Variants in CCDC17 observed in about 807,000 individuals in gnomAD.
CCDC17 encodes coiled-coil domain containing 17.
CCDC17 carries 79 observed loss-of-function variants against 68.0 expected under a neutral mutation model. That is an observed-to-expected ratio of 1.16 (90% CI 0.97 to 1.40). The LOEUF (loss-of-function observed/expected upper bound fraction) is 1.40. Ranked by LOEUF, CCDC17 falls within the 40% of genes most tolerant of loss-of-function variation. The pLI is 0.00. For missense variants in CCDC17, 846 were observed against 811.5 expected, an observed-to-expected ratio of 1.04 and a Z score of -0.52; for synonymous variants, 376 against 337.5, an observed-to-expected ratio of 1.11 and a Z score of -1.25.
At position 45,621,413 on chromosome 1, in the gene CCDC17, G is replaced by A; in HGVS notation, c.1256C>T (p.Thr419Ile). ...ATCCCGTCCATCGCGTGCCAAGCCA[G>A]TCCTTAGTTGCACCCAAATCCAGGA... ...EASWIWVQLR[T>I]GLARDGRDTG... Residue 419 changes from threonine to isoleucine, a missense_variant, in exon 10 of 13, where the codon ACT becomes ATT. Thr to Ile is a moderately conservative substitution (Grantham distance 89). Coordinates refer to ENST00000528266, the MANE Select transcript of CCDC17 (RefSeq NM_001114938.3). 1 of 1,597,834 alleles carries A rather than the reference G, an allele frequency of 6.3e-7. No homozygotes were observed. Among genetic ancestry groups the A allele is most frequent in the East Asian group, 2.3e-5 (1 of 44,088 alleles).
chr1:45,621,176 C>G, intron 10 of CCDC17, 63 bp from the exon 11 acceptor site: 1 of 1,576,516 alleles, frequency 6.3e-7, no homozygotes, highest in African/African-American at 1.4e-5. Flanking sequence ...AGGACTTAGC[C>G]CTTTAGAGCC....
rs139210753 is a variant in CCDC17 at position 45,621,315 on chromosome 1, A to C, written c.1354T>G (p.Cys452Gly). The C allele has an allele frequency of 1.2e-4, 186 of 1,586,676 alleles. No individual in the cohort carries two copies. Among genetic ancestry groups the C allele is most frequent in the Admixed American group, 1.8e-4 (10 of 55,582 alleles). ...GGCTGCCTGCTGGCAAGGATGGCAC[A>C]GTTGCCCATGGGCCCGGGAGCAGGA... ...PPPAPGPMGN[C>G]AILASRQPVP... The change falls in exon 10 of 13, where the codon TGT (cysteine) becomes GGT (glycine). Residue 452 changes from cysteine to glycine, a missense_variant. By Grantham distance (159) the Cys-to-Gly change is radical (BLOSUM62 -3). Transcript: ENST00000528266.
In CCDC17 at chr1:45,620,332, A is replaced by AT. The variant is rs1644201206; in HGVS notation, c.1811dup (p.Asp604GlufsTer2). ...GGTGAGGGCCCAAACCCTCATCTCT[A>AT]TCCTTGACTCCACTGAGGGGCTCTT... On this transcript the variant is annotated frameshift_variant, in exon 13 of 13. Coordinates refer to ENST00000528266, the MANE Select transcript of CCDC17 (RefSeq NM_001114938.3). LOFTEE classifies it low-confidence loss of function (END_TRUNC). 6.2e-7 allele frequency: 1 copy of AT among 1,609,412 alleles called. No homozygotes were observed. Among genetic ancestry groups the AT allele is most frequent in the Non-Finnish European group, 8.5e-7 (1 of 1,178,568 alleles).
At position 45,623,340 on chromosome 1, in the gene CCDC17, G is replaced by C. The variant is rs1256837309; in HGVS notation, c.370C>G (p.Gln124Glu). The change falls in exon 3 of 13, where the codon CAG (glutamine) becomes GAG (glutamate). Residue 124 changes from glutamine (Q) to glutamate (E), a missense_variant. Physicochemically the swap from Gln to Glu is conservative, Grantham distance 29 (BLOSUM62 2). Transcript: ENST00000528266. ...CCCACCGCCTCGGACATGGGACTCT[G>C]AGGCCGCGCCTCGGAACGTGTCCAG... is the stretch of plus-strand genomic sequence containing the variant. ...GPWTRSEARP[Q>E]SPMSEAVGSP... 1.2e-5 allele frequency: 19 copies of C among 1,550,638 alleles called. 1 individual carries two copies. In the South Asian group the frequency reaches 1.4e-4, roughly 12 times the overall value.
At chr1:45,622,146 C>T (rs546257088) in intron 7 of CCDC17, 95 bp downstream of exon 7, 1 of 1,337,456 alleles carries the variant, frequency 7.5e-7, no homozygotes, top group Non-Finnish European at 1.0e-6. Flanking sequence ...AGGGGAGTCA[C>T]AAACACGGGT....
At chr1:45,622,054 T>C (rs1364000095) in intron 7 of CCDC17, 59 bp from the exon 8 acceptor site, 1 of 1,498,356 alleles carries the variant, frequency 6.7e-7, no homozygotes, top group Non-Finnish European at 9.1e-7. Context: ...TTAGCTGAGA[T>C]ACCCCTCCCC....
At position 45,620,783 on chromosome 1, in the gene CCDC17, A is replaced by C; in HGVS notation, c.1650T>G (p.Ala550=). 7 of 1,611,756 alleles carry C rather than the reference A, an allele frequency of 4.3e-6. No individual in the cohort carries two copies. The highest frequency in any genetic ancestry group is 1.3e-5 in the African/African-American group (1 of 75,044). The change falls in exon 12 of 13, where the codon GCT becomes GCG. Residue 550 remains alanine, a synonymous_variant. Coordinates refer to ENST00000528266, the MANE Select transcript of CCDC17 (RefSeq NM_001114938.3). The stretch of plus-strand genomic sequence containing the variant: ...GATTGATCTCTGCCAGTGTCTGTAC[A>C]GCTGCATCTCTTGCATTCACCAGCC... ...FLRLVNARDA[A]VQTLAEINPA...
Position 45,623,559 on chromosome 1 carries a change from CCT to C in CCDC17, c.266_267del (p.Glu89GlyfsTer107), listed in dbSNP as rs1321390215. On this transcript the variant is annotated frameshift_variant, in exon 2 of 13. Transcript: ENST00000528266. LOFTEE classifies it high-confidence loss of function. Reference sequence around the variant, plus strand: ...TGGGGGAAGGTAGGTAGCTCTACCTCCTCTGTTAACCTCTTTAGAGCAGATCT... The same window carrying C: ...TGGGGGAAGGTAGGTAGCTCTACCTCCTGTTAACCTCTTTAGAGCAGATCT... ...ASRSALKRLTEEVQWLRLSLQ... is the reference protein window; with the variant it reads ...ASRSALKRLTXEVQWLRLSLQ... 3.9e-6 allele frequency: 6 copies of C among 1,549,110 alleles called. No individual in the cohort carries two copies. Among genetic ancestry groups the C allele is most frequent in the South Asian group, 1.2e-5 (1 of 84,060 alleles).
In CCDC17 at chr1:45,623,250, C is replaced by T. The variant is rs1291049226; in HGVS notation, c.460G>A (p.Ala154Thr). 6.5e-7 allele frequency: 1 copy of T among 1,545,664 alleles called. No individual in the cohort carries two copies. Among genetic ancestry groups the T allele is most frequent in the South Asian group, 1.2e-5 (1 of 83,972 alleles). The change falls in exon 3 of 13, where the codon GCG (alanine) becomes ACG (threonine). Residue 154 changes from alanine (A) to threonine (T), a missense_variant. By Grantham distance (58) the Ala-to-Thr change is moderately conservative. Transcript: ENST00000528266. ...CGTAGCTGCAGGGCCCGGCTCTGCG[C>T]TTCCATCTCCGCCACGCGCCTCGCG... ...TRARRVAEMEAQSRALQLRGE... is the reference protein window; with the variant it reads ...TRARRVAEMETQSRALQLRGE...
intron 7 of CCDC17, 63 bp from the exon 8 acceptor site, chr1:45,622,058 C>A: frequency 6.7e-7 from 1 of 1,494,800 alleles, no homozygotes; most frequent in African/African-American, 1.4e-5. Context: ...CTGAGATACC[C>A]CTCCCCCAAG....
intron 3 of CCDC17, 48 bp downstream of exon 3, chr1:45,623,169 C>A (rs1373644978): frequency 6.5e-7 from 1 of 1,537,960 alleles, no homozygotes; most frequent in East Asian, 2.5e-5. Flanking sequence ...TTAAGCCAAA[C>A]GGCGAGGGCA....
In CCDC17 at chr1:45,620,395, G is replaced by A. The variant is rs1481051070; in HGVS notation, c.1749C>T (p.Thr583=). 1.3e-6 allele frequency: 2 copies of A among 1,596,214 alleles called. No individual in the cohort carries two copies. Among genetic ancestry groups the A allele is most frequent in the Non-Finnish European group, 1.7e-6 (2 of 1,173,888 alleles). Residue 583 remains threonine, a synonymous_variant, in exon 13 of 13, where the codon ACC becomes ACT. Coordinates refer to ENST00000528266, the MANE Select transcript of CCDC17 (RefSeq NM_001114938.3). Reference sequence around the variant, plus strand: ...GGGGATCAGCAAAGCCAACTGCGGGGGTGAGGAAGCTGGCTTCCAGTGAAG... The same window carrying A: ...GGGGATCAGCAAAGCCAACTGCGGGAGTGAGGAAGCTGGCTTCCAGTGAAG... ...STSSLEASFL[T]PAVGFADPPP...
At position 45,621,327 on chromosome 1, in the gene CCDC17, G is replaced by T. The variant is rs1312864602; in HGVS notation, c.1342C>A (p.Pro448Thr). The part of the protein sequence containing the change: ...LCLPPPPAPG[P>T]MGNCAILASR... ...GCAAGGATGGCACAGTTGCCCATGG[G>T]CCCGGGAGCAGGAGGTGGGGGCAGG... Residue 448 changes from proline to threonine, a missense_variant, in exon 10 of 13, where the codon CCC becomes ACC. By Grantham distance (38) the Pro-to-Thr change is conservative. Coordinates refer to ENST00000528266, the MANE Select transcript of CCDC17 (RefSeq NM_001114938.3). The T allele has an allele frequency of 1.3e-6, 2 of 1,589,142 alleles. No homozygotes were observed. Among genetic ancestry groups the T allele is most frequent in the Non-Finnish European group, 1.7e-6 (2 of 1,167,704 alleles).
Position 45,623,270 on chromosome 1 carries a change from C to T in CCDC17, c.440G>A (p.Arg147Lys), listed in dbSNP as rs745807723. ...RLRALFRTRARRVAEMEAQSR... is the reference protein window; with the variant it reads ...RLRALFRTRAKRVAEMEAQSR... ...CTGCGCTTCCATCTCCGCCACGCGCCTCGCGCGAGTCCTGAACAGCGCCCG... is the reference window on the plus strand; with the variant it reads ...CTGCGCTTCCATCTCCGCCACGCGCTTCGCGCGAGTCCTGAACAGCGCCCG... Residue 147 changes from arginine to lysine, a missense_variant, in exon 3 of 13, where the codon AGG becomes AAG. Coordinates refer to ENST00000528266, the MANE Select transcript of CCDC17 (RefSeq NM_001114938.3). 5.2e-6 allele frequency: 8 copies of T among 1,546,922 alleles called. No homozygotes were observed. Among genetic ancestry groups the T allele is most frequent in the Non-Finnish European group, 6.1e-6 (7 of 1,146,604 alleles).
intron 1 of CCDC17, 26 bp from the exon 2 acceptor site, chr1:45,623,678 G>A (rs1224744044): frequency 5.2e-6 from 8 of 1,551,668 alleles, no homozygotes; most frequent in East Asian, 4.9e-5. Flanking sequence ...AGTAGGATGA[G>A]GAATCATAAA....
At position 45,621,669 on chromosome 1, in the gene CCDC17, C is replaced by T. The variant is rs771470577; in HGVS notation, c.1153G>A (p.Asp385Asn). The T allele has an allele frequency of 6.2e-7, 1 of 1,613,842 alleles. No individual in the cohort carries two copies. Among genetic ancestry groups the T allele is most frequent in the Admixed American group, 1.7e-5 (1 of 60,002 alleles). Residue 385 changes from aspartate (D) to asparagine (N), a missense_variant, in exon 9 of 13, where the codon GAC becomes AAC. By Grantham distance (23) the Asp-to-Asn change is conservative. Coordinates refer to ENST00000528266, the MANE Select transcript of CCDC17 (RefSeq NM_001114938.3). ...LDSHFLLPTSDMLGPAPYDPG... is the reference protein window; with the variant it reads ...LDSHFLLPTSNMLGPAPYDPG... ...TCATAGGGTGCAGGGCCCAGCATGT[C>T]CGATGTGGGCAGGAGGAAGTGTGAG...
intron 4 of CCDC17, 58 bp downstream of exon 4, chr1:45,622,897 G>GC: frequency 3.2e-6 from 5 of 1,572,466 alleles, no homozygotes; most frequent in African/African-American, 2.7e-5. Context: ...GCTGCAGCCA[G>GC]CCCGCCCCTC....
rs1644249378 is a variant in CCDC17 at position 45,621,375 on chromosome 1, T to C, written c.1294A>G (p.Thr432Ala). 1 of 1,592,788 alleles carries C rather than the reference T, an allele frequency of 6.3e-7. No homozygotes were observed. The highest frequency in any genetic ancestry group is 2.3e-5 in the East Asian group (1 of 43,916). Residue 432 changes from threonine to alanine, a missense_variant, in exon 10 of 13, where the codon ACA becomes GCA. Transcript: ENST00000528266. Reference sequence around the variant, plus strand: ...AGGCAAAGGGCTGGGGGCAACGCTGTGGTCCTTCCTGTATCCCGTCCATCG... The same window carrying C: ...AGGCAAAGGGCTGGGGGCAACGCTGCGGTCCTTCCTGTATCCCGTCCATCG... Reference protein sequence around the residue: ...ARDGRDTGRTTALPPALCLPP... With the variant: ...ARDGRDTGRTAALPPALCLPP...
rs1254611053 is a variant in CCDC17, at chr1:45,622,541, C to G, written c.859+8G>C. The G allele has an allele frequency of 1.9e-6, 3 of 1,551,208 alleles. No individual in the cohort carries two copies. Among genetic ancestry groups the G allele is most frequent in the East Asian group, 4.9e-5 (2 of 40,928 alleles). On this transcript the variant is annotated splice_region_variant and intron_variant, in intron 6 of 12. Coordinates refer to ENST00000528266, the MANE Select transcript of CCDC17 (RefSeq NM_001114938.3). ...TGACCACCGCTGGCGAGAGGCCCTC[C>G]TGTTCACCTCTGCGGGTCTGCGACC...
Sources: gnomAD v4.1 joint callset for allele counts on GRCh38, gnomAD v4.1.1 for gene constraint, MANE v1.5 for transcripts, NCBI Gene and HGNC (gene_info 2026-07-23, HGNC 2026-07-21) for gene names.